COL18A1: variants seen among roughly 807,000 people sequenced by gnomAD.
The protein encoded by COL18A1 is collagen alpha-1(XVIII) chain.
COL18A1 carries 133 observed loss-of-function variants against 168.0 expected under a neutral mutation model. The ratio of observed to expected loss-of-function variants is 0.79; its 90% CI spans 0.69 to 0.91. The LOEUF is 0.91. COL18A1 is among the 40% of genes least tolerant of loss of function. The pLI is 0.00. For synonymous variants in COL18A1, 949 were observed against 809.0 expected, an observed-to-expected ratio of 1.17 and a Z score of -2.94; for missense variants, 2,126 against 1,925.4, an observed-to-expected ratio of 1.10 and a Z score of -1.95.
chr21:45,456,269 G>T lies in COL18A1; in HGVS notation c.107-11973G>T, dbSNP rs534367236. The T allele has an allele frequency of 3.8e-6, 6 of 1,577,340 alleles. No homozygotes were observed. The highest frequency in any genetic ancestry group is 1.8e-5 in the Admixed American group (1 of 54,426). On this transcript the variant is annotated intron_variant, in intron 2 of 41. Coordinates refer to ENST00000651438, the MANE Select transcript of COL18A1 (RefSeq NM_001379500.1). ...CCAAGGACTCTCGCCCGCCGCAGCC[G>T]CTCCCAGCCAGCAGCTCCAACGCCC...
Position 45,489,481 on chromosome 21 carries a change from C to T in COL18A1, c.1924-5C>T. On this transcript the variant is annotated splice_region_variant and splice_polypyrimidine_tract_variant and intron_variant, in intron 18 of 41. Coordinates refer to ENST00000651438, the MANE Select transcript of COL18A1 (RefSeq NM_001379500.1). ...GGTGCTCACGGAGCCCCTTTTTTCA[C>T]TTAGGGGGATCCTGGCGTGCCTGGG... 1 of 1,599,890 alleles carries T rather than the reference C, an allele frequency of 6.3e-7. No homozygotes were observed. The highest frequency in any genetic ancestry group is 8.5e-7 in the Non-Finnish European group (1 of 1,173,046).
chr21:45,494,639 G>T, intron 27 of COL18A1, 68 bp downstream of exon 27: 19 of 1,605,452 alleles, frequency 1.2e-5, no homozygotes, highest in Non-Finnish European at 1.5e-5. Flanking sequence ...ACGGTCGCCC[G>T]CGGCTGCTGA....
Position 45,493,392 on chromosome 21 carries a change from G to A in COL18A1, c.2278-109G>A, listed in dbSNP as rs1018522634. The A allele has an allele frequency of 2.2e-5, 28 of 1,298,022 alleles. No homozygotes were observed. The African/African-American group carries it at 3.4e-4, about 16-fold the overall frequency. 80.4% of individuals were successfully genotyped at this position (1,298,022 alleles called of 1,614,324 possible). A position where few individuals can be genotyped will look rare whatever the true frequency, so the allele number is the denominator to read the frequency against. ...GTCCCTGTGGTCACCTCCCGTGAAA[G>A]GACCCAGCCTGCGAGGCCCAGTCAC... On this transcript the variant is annotated intron_variant, in intron 25 of 41. Transcript: ENST00000651438.
In COL18A1 at chr21:45,504,713, G is replaced by C. The variant is rs141349767; in HGVS notation, c.2868+157G>C. On this transcript the variant is annotated intron_variant, in intron 34 of 41. Transcript: ENST00000651438. ...GTCCCTGTCCCCGTGTGGGGACGCAGCAGGCCACATGGGTGTGGGTGCACT... is the reference window on the plus strand; with the variant it reads ...GTCCCTGTCCCCGTGTGGGGACGCACCAGGCCACATGGGTGTGGGTGCACT... 4.1e-3 allele frequency among the ~76,000 whole-genome samples: 626 copies of C among 152,138 alleles called. 5 individuals are homozygous for C. The highest frequency in any genetic ancestry group is 0.014 in the Middle Eastern group (4 of 294).
chr21:45,407,188 T>C (rs958178164), intron 2 of COL18A1, among the ~76,000 whole-genome samples: 2 of 152,230 alleles, frequency 1.3e-5, no homozygotes, highest in Non-Finnish European at 2.9e-5. Flanking sequence ...AGTCGCCCCC[T>C]TTAGGGGTTA....
At position 45,512,354 on chromosome 21, in the gene COL18A1, A is replaced by G. The variant is rs1471988233; in HGVS notation, c.3976A>G (p.Ile1326Val). The stretch of plus-strand genomic sequence containing the variant: ...TGCCGCGAGCTGCCATCACGCCTAC[A>G]TCGTGCTCTGCATTGAGAACAGCTT... ...QSAASCHHAYIVLCIENSFMT... is the reference protein window; with the variant it reads ...QSAASCHHAYVVLCIENSFMT... Residue 1326 changes from isoleucine (I) to valine (V), a missense_variant, in exon 42 of 42, where the codon ATC becomes GTC. Ile to Val is a conservative substitution (Grantham distance 29, BLOSUM62 3). Transcript: ENST00000651438. 5 of 1,612,730 alleles carry G rather than the reference A, an allele frequency of 3.1e-6. No individual in the cohort carries two copies. In the South Asian group the frequency reaches 4.4e-5, roughly 14 times the overall value.
At chr21:45,410,537 C>T (rs977603773) in intron 2 of COL18A1, among the ~76,000 whole-genome samples, 6 of 152,090 alleles carry the variant, frequency 3.9e-5, no homozygotes, top group African/African-American at 1.2e-4. Context: ...TGGCGGAACT[C>T]GCACCCACCC....
rs117908384 is a variant in COL18A1 at position 45,425,050 on chromosome 21, C to T, written c.106+19577C>T. ...TTCGCAGGAGGTTTCTCAGATGCCC[C>T]GGGCTCGGGGGCCAGTCAGTCTCAT... On this transcript the variant is annotated intron_variant, in intron 2 of 41. Transcript: ENST00000651438. This position sits in a 1 kb window ranked among gnomAD's most constrained non-coding sequence, Gnocchi z 4.1. 0.021 allele frequency: 3,232 copies of T among 152,344 alleles called. 34 individuals are homozygous for T. The highest frequency in any genetic ancestry group is 0.032 in the Non-Finnish European group (2,162 of 68,056). The allele number at this position is 152,344 out of a possible 1,614,324, so 9.4% of individuals were successfully genotyped here.
intron 2 of COL18A1, among the ~76,000 whole-genome samples, chr21:45,429,188 A>T (rs1276636195): frequency 2.0e-5 from 3 of 151,268 alleles, no homozygotes. Context: ...GGCGTGAGCC[A>T]CCGCGCCCAG....
chr21:45,469,500 C>T (rs538891008), intron 3 of COL18A1, among the ~76,000 whole-genome samples: 104 of 152,350 alleles, frequency 6.8e-4, no homozygotes, highest in Admixed American at 6.3e-3. Flanking sequence ...CAGCGGTGAA[C>T]GCACGTGGCC....
At chr21:45,472,875 A>G (rs2145905547) in intron 3 of COL18A1, among the ~76,000 whole-genome samples, 1 of 152,122 alleles carries the variant, frequency 6.6e-6, no homozygotes, top group Admixed American at 6.5e-5. Flanking sequence ...ATGCAGATGC[A>G]TGCTCTCACG....
chr21:45,448,251 T>C (rs950675766), intron 2 of COL18A1, among the ~76,000 whole-genome samples: 38 of 151,486 alleles, frequency 2.5e-4, no homozygotes, highest in African/African-American at 8.7e-4. Flanking sequence ...GCCACATTTT[T>C]CCCAGGCACT....
intron 2 of COL18A1, among the ~76,000 whole-genome samples, chr21:45,411,625 G>A (rs1192522171): frequency 5.9e-5 from 9 of 151,896 alleles, no homozygotes; most frequent in Non-Finnish European, 1.2e-4. Context: ...CGCTGACACA[G>A]GCTCTGGAGG....
chr21:45,406,720 AC>A (rs1236049470), intron 2 of COL18A1, among the ~76,000 whole-genome samples: 5 of 152,262 alleles, frequency 3.3e-5, no homozygotes, highest in African/African-American at 1.2e-4. Flanking sequence ...TCGCACAGGG[AC>A]AAAGGAAAGG....
Position 45,498,163 on chromosome 21 carries a change from C to A in COL18A1, c.2683+502C>A. 1 of 671,152 alleles carries A rather than the reference C, an allele frequency of 1.5e-6. No individual in the cohort carries two copies. The highest frequency in any genetic ancestry group is 2.7e-6 in the Non-Finnish European group (1 of 368,176). The allele number at this position is 671,152 out of a possible 1,614,324, so 41.6% of individuals were successfully genotyped here. The stretch of plus-strand genomic sequence containing the variant: ...ACCTCCATTGAGGGTGGCAGGGCTG[C>A]TTGGATGTCCTGCCAAGACCACTGA... On this transcript the variant is annotated intron_variant, in intron 32 of 41. Transcript: ENST00000651438. This position sits in a 1 kb window ranked among gnomAD's most constrained non-coding sequence, Gnocchi z 4.5.
intron 2 of COL18A1, among the ~76,000 whole-genome samples, chr21:45,451,076 G>T (rs568871723): frequency 1.6e-3 from 242 of 152,362 alleles, no homozygotes; most frequent in Non-Finnish European, 9.7e-4. Flanking sequence ...GTCCTCTGGG[G>T]GGTGTGAGGT....
intron 2 of COL18A1, among the ~76,000 whole-genome samples, chr21:45,440,076 C>G (rs1375748437): frequency 6.6e-6 from 1 of 152,240 alleles, no homozygotes; most frequent in African/African-American, 2.4e-5. Context: ...GGCCGGTCCT[C>G]CGATGATGGG....
At chr21:45,405,514 G>A in intron 2 of COL18A1, 41 bp downstream of exon 2, 1 of 1,200,948 alleles carries the variant, frequency 8.3e-7, no homozygotes, top group Non-Finnish European at 1.1e-6. Flanking sequence ...GCCGGTGCCC[G>A]CCGGCCTCGC....
At chr21:45,455,801 C>A in intron 2 of COL18A1, 1 of 1,613,548 alleles carries the variant, frequency 6.2e-7, no homozygotes, top group South Asian at 1.1e-5. Context: ...GGAAGATGGC[C>A]AGGACACCCC....
Sources: allele counts gnomAD v4.1 joint callset (sites outside exome capture counted in the v4.1 genomes callset), GRCh38; gene constraint gnomAD v4.1.1; non-coding constraint Gnocchi (gnomAD v3.1); transcripts MANE v1.5; gene names NCBI Gene and HGNC (gene_info 2026-07-23, HGNC 2026-07-21).